The following CWC27 variants were observed in gnomAD, a reference collection of about 807,000 sequenced individuals.
CWC27 encodes the protein CWC27 spliceosome associated cyclophilin.
CWC27 carries 47 observed loss-of-function variants against 63.6 expected under a neutral mutation model. The ratio of observed to expected loss-of-function variants is 0.74; its 90% CI spans 0.58 to 0.94. CWC27 has a LOEUF of 0.94. CWC27 is among the 40% of genes least tolerant of loss of function. The pLI is 0.00. For synonymous variants in CWC27, 175 were observed against 179.8 expected, an observed-to-expected ratio of 0.97 and a Z score of 0.22; for missense variants, 495 against 554.3, an observed-to-expected ratio of 0.89 and a Z score of 1.07.
chr5:64,888,287 A>G (rs911005559), intron 11 of CWC27, among the ~76,000 whole-genome samples: 3 of 147,798 alleles, frequency 2.0e-5, no homozygotes, highest in African/African-American at 7.4e-5. Context: ...CTAAATATAT[A>G]ATATAGTTAA....
intron 4 of CWC27, among the ~76,000 whole-genome samples, chr5:64,784,426 T>C (rs577639079): frequency 1.1e-3 from 173 of 152,342 alleles, no homozygotes; most frequent in Non-Finnish European, 1.9e-3. Context: ...ACCTATTTAA[T>C]CCTGCTCACA....
chr5:65,008,235 G>T (rs1254854937), intron 13 of CWC27, among the ~76,000 whole-genome samples: 1 of 152,128 alleles, frequency 6.6e-6, no homozygotes, highest in Non-Finnish European at 1.5e-5. Context: ...TAGTTTGAGG[G>T]TACAAGAACT....
chr5:64,920,766 G>C (rs1245585592), intron 11 of CWC27, among the ~76,000 whole-genome samples: 1 of 152,072 alleles, frequency 6.6e-6, no homozygotes, highest in Non-Finnish European at 1.5e-5. Context: ...AGTTTCCAAG[G>C]ATTTTTTGTA....
intron 10 of CWC27, among the ~76,000 whole-genome samples, chr5:64,811,777 T>C (rs1744885855): frequency 6.6e-6 from 1 of 152,042 alleles, no homozygotes; most frequent in Admixed American, 6.6e-5. Flanking sequence ...AATGATAGCA[T>C]CAGGAATTTA....
At chr5:64,896,656 A>G (rs1463831313) in intron 11 of CWC27, among the ~76,000 whole-genome samples, 1 of 151,830 alleles carries the variant, frequency 6.6e-6, no homozygotes, top group African/African-American at 2.4e-5. Flanking sequence ...CCAAACCAGT[A>G]GAGAAAAAGA....
intron 13 of CWC27, among the ~76,000 whole-genome samples, chr5:64,979,271 C>T (rs188414637): frequency 6.6e-6 from 1 of 152,290 alleles, no homozygotes; most frequent in Admixed American, 6.5e-5. Context: ...GTCTTCAGGG[C>T]GTTCATATCT....
chr5:64,958,347 G>A (rs1340875399), intron 11 of CWC27, among the ~76,000 whole-genome samples: 1 of 152,078 alleles, frequency 6.6e-6, no homozygotes, highest in Non-Finnish European at 1.5e-5. Context: ...CGTAAAACCT[G>A]TTTTCTCATA....
At chr5:64,854,175 A>G (rs1396392873) in intron 10 of CWC27, among the ~76,000 whole-genome samples, 3 of 152,326 alleles carry the variant, frequency 2.0e-5, no homozygotes, top group Non-Finnish European at 2.9e-5. Flanking sequence ...CGTTTTATGT[A>G]TATACCAAAT....
intron 13 of CWC27, among the ~76,000 whole-genome samples, chr5:65,002,284 T>C (rs952778323): frequency 6.6e-6 from 1 of 152,108 alleles, no homozygotes; most frequent in South Asian, 2.1e-4. Context: ...AGATTACTTG[T>C]ATTGTTTGTA....
intron 10 of CWC27, among the ~76,000 whole-genome samples, chr5:64,830,925 G>T (rs957227526): frequency 2.0e-5 from 3 of 151,936 alleles, no homozygotes; most frequent in Non-Finnish European, 4.4e-5. Flanking sequence ...TCTAAGTCTT[G>T]CTATACATTT....
intron 13 of CWC27, among the ~76,000 whole-genome samples, chr5:64,995,894 C>A (rs1419069995): frequency 6.6e-6 from 1 of 152,144 alleles, no homozygotes; most frequent in African/African-American, 2.4e-5. Flanking sequence ...TAGACTATAG[C>A]TATGGAGTCA....
In CWC27 at chr5:64,835,790, T is replaced by C. The variant is rs186273057; in HGVS notation, c.938+31404T>C. ...TTTTGTTTTATATCTTCATGTTTTA[T>C]ATTTTTTATGAAGAAAACCACTGTA... On this transcript the variant is annotated intron_variant, in intron 10 of 13. Coordinates refer to ENST00000381070, the MANE Select transcript of CWC27 (RefSeq NM_005869.4). 5.1e-4 allele frequency among the ~76,000 whole-genome samples: 78 copies of C among 151,992 alleles called. 1 individual carries two copies. Among genetic ancestry groups the C allele is most frequent in the Non-Finnish European group, 9.6e-4 (65 of 67,816 alleles).
intron 10 of CWC27, among the ~76,000 whole-genome samples, chr5:64,823,228 G>A (rs1019062348): frequency 6.6e-6 from 1 of 152,174 alleles, no homozygotes; most frequent in African/African-American, 2.4e-5. Context: ...TGATTATAAA[G>A]TTGAAAGTAC....
At chr5:64,868,289 G>A (rs1746578588) in intron 10 of CWC27, among the ~76,000 whole-genome samples, 1 of 151,554 alleles carries the variant, frequency 6.6e-6, no homozygotes, top group Admixed American at 6.6e-5. Context: ...GAAAATACCT[G>A]AGTTTGTTTA....
At chr5:64,923,065 A>C (rs1428502325) in intron 11 of CWC27, among the ~76,000 whole-genome samples, 1 of 152,128 alleles carries the variant, frequency 6.6e-6, no homozygotes, top group East Asian at 1.9e-4. Context: ...AAGTGCTCTG[A>C]TGGAGGTGCC....
intron 10 of CWC27, among the ~76,000 whole-genome samples, chr5:64,877,175 T>C (rs553784897): frequency 4.6e-5 from 7 of 152,114 alleles, no homozygotes; most frequent in Non-Finnish European, 7.4e-5. Context: ...GAGTCCATCA[T>C]TGGATGAATG....
chr5:64,867,968 T>G (rs1305442875), intron 10 of CWC27, among the ~76,000 whole-genome samples: 1 of 152,004 alleles, frequency 6.6e-6, no homozygotes, highest in African/African-American at 2.4e-5. Context: ...TTGTTGTTGT[T>G]GTTTATATTA....
chr5:64,884,913 A>G (rs1747030243), intron 10 of CWC27, among the ~76,000 whole-genome samples: 2 of 152,260 alleles, frequency 1.3e-5, no homozygotes, highest in South Asian at 2.1e-4. Flanking sequence ...GGAAATGTAT[A>G]TGCCAAACTG....
intron 11 of CWC27, among the ~76,000 whole-genome samples, chr5:64,889,097 T>C (rs993760978): frequency 2.0e-5 from 3 of 152,116 alleles, no homozygotes; most frequent in Admixed American, 6.6e-5. Context: ...ACCAAAACTC[T>C]TCAAAGTGTC....
Sources: allele counts gnomAD v4.1 joint callset (sites outside exome capture counted in the v4.1 genomes callset), GRCh38; gene constraint gnomAD v4.1.1; transcripts MANE v1.5; gene names NCBI Gene and HGNC (gene_info 2026-07-23, HGNC 2026-07-21).